The following CDH18 variants were observed in gnomAD, a reference collection of about 807,000 sequenced individuals.
CDH18 encodes the protein cadherin-18.
Under a neutral mutation model 67.9 loss-of-function variants are expected in CDH18, and 31 were observed. The ratio of observed to expected loss-of-function variants is 0.46; its 90% CI spans 0.34 to 0.62. The LOEUF (loss-of-function observed/expected upper bound fraction) is 0.62. Among genes scored for constraint, CDH18 ranks in the 20% least tolerant of loss-of-function variants. CDH18 has a pLI of 0.01. For synonymous variants in CDH18, 362 were observed against 347.2 expected (o/e 1.04, Z -0.48); for missense variants, 890 against 975.5 (o/e 0.91, Z 1.17).
chr5:20,566,001 TG>T (rs1758482502), intron 1 of CDH18, among the ~76,000 whole-genome samples: 1 of 152,158 alleles, frequency 6.6e-6, no homozygotes, highest in Non-Finnish European at 1.5e-5. Context: ...TGATTTTTGC[TG>T]ACATAAATTA....
At chr5:19,916,372 C>T (rs1579577326) in intron 2 of CDH18, among the ~76,000 whole-genome samples, 2 of 152,152 alleles carry the variant, frequency 1.3e-5, no homozygotes, top group East Asian at 3.9e-4. Context: ...ATTACGCCCT[C>T]TTCTCATCCC....
At chr5:20,487,231 A>G (rs1211249505) in intron 1 of CDH18, among the ~76,000 whole-genome samples, 1 of 152,040 alleles carries the variant, frequency 6.6e-6, no homozygotes. Flanking sequence ...CTGTTAATCC[A>G]TTCTTAACAT....
At chr5:20,379,244 A>C (rs1743711088) in intron 1 of CDH18, among the ~76,000 whole-genome samples, 1 of 152,206 alleles carries the variant, frequency 6.6e-6, no homozygotes, top group South Asian at 2.1e-4. Flanking sequence ...GCTTTCTTTG[A>C]CAATTGTCAT....
chr5:20,373,749 G>A (rs998168325), intron 1 of CDH18, among the ~76,000 whole-genome samples: 1 of 151,850 alleles, frequency 6.6e-6, no homozygotes, highest in Non-Finnish European at 1.5e-5. Context: ...TTAATCATAA[G>A]TGAATGAGTA....
At chr5:19,504,950 T>C (rs1743858991) in intron 10 of CDH18, among the ~76,000 whole-genome samples, 1 of 152,172 alleles carries the variant, frequency 6.6e-6, no homozygotes, top group South Asian at 2.1e-4. Flanking sequence ...ACATTTCAGT[T>C]AGTATACAAA....
chr5:20,152,740 G>A (rs544773969), intron 2 of CDH18, among the ~76,000 whole-genome samples: 42 of 152,112 alleles, frequency 2.8e-4, no homozygotes, highest in Non-Finnish European at 4.7e-4. Flanking sequence ...ACATCACCAC[G>A]ATGCTAGAGT....
chr5:20,253,207 A>C (rs542027385), intron 2 of CDH18, among the ~76,000 whole-genome samples: 1 of 152,320 alleles, frequency 6.6e-6, no homozygotes, highest in South Asian at 2.1e-4. Flanking sequence ...TGGCACATAA[A>C]GATCTTGTAC....
intron 2 of CDH18, among the ~76,000 whole-genome samples, chr5:20,104,640 T>C (rs1202807880): frequency 3.9e-5 from 6 of 152,088 alleles, no homozygotes; most frequent in African/African-American, 1.2e-4. Flanking sequence ...GTCCCTCTTC[T>C]CCACAGTGCA....
chr5:19,959,379 A>G (rs974094274), intron 2 of CDH18, among the ~76,000 whole-genome samples: 2 of 152,076 alleles, frequency 1.3e-5, no homozygotes, highest in Non-Finnish European at 2.9e-5. Context: ...ATTTTAAAAA[A>G]TGCAAATAAG....
intron 2 of CDH18, among the ~76,000 whole-genome samples, chr5:19,892,628 T>C (rs1579459947): frequency 6.6e-6 from 1 of 152,230 alleles, no homozygotes; most frequent in East Asian, 1.9e-4. Flanking sequence ...TCATGGAGTG[T>C]GACTTCCAAA....
At chr5:20,351,738 T>C (rs1378113508) in intron 1 of CDH18, among the ~76,000 whole-genome samples, 1 of 152,156 alleles carries the variant, frequency 6.6e-6, no homozygotes, top group Non-Finnish European at 1.5e-5. Flanking sequence ...AATCTATTTA[T>C]GCTGCCACCG....
At chr5:20,210,523 C>G (rs760545998) in intron 2 of CDH18, among the ~76,000 whole-genome samples, 4 of 151,896 alleles carry the variant, frequency 2.6e-5, no homozygotes, top group Admixed American at 6.6e-5. Flanking sequence ...CAATCTTAAT[C>G]TGAACAGTTT....
chr5:20,306,091 C>T (rs527266439), intron 1 of CDH18, among the ~76,000 whole-genome samples: 64 of 152,306 alleles, frequency 4.2e-4, no homozygotes, highest in African/African-American at 1.4e-3. Context: ...AAGACTTCTA[C>T]ACACAGCCTT....
intron 2 of CDH18, among the ~76,000 whole-genome samples, chr5:20,185,144 A>T (rs1263248318): frequency 6.6e-6 from 1 of 151,948 alleles, no homozygotes; most frequent in Non-Finnish European, 1.5e-5. Flanking sequence ...GTGATTTTGG[A>T]TTCTTCTCTT....
chr5:19,667,134 G>A (rs937790982), intron 5 of CDH18, among the ~76,000 whole-genome samples: 1 of 151,424 alleles, frequency 6.6e-6, no homozygotes, highest in Admixed American at 6.6e-5. Flanking sequence ...TTATAAATTA[G>A]CAATTAAAAT....
At chr5:20,540,642 G>T (rs1315915990) in intron 1 of CDH18, among the ~76,000 whole-genome samples, 1 of 152,096 alleles carries the variant, frequency 6.6e-6, no homozygotes, top group African/African-American at 2.4e-5. Flanking sequence ...CTGACATATT[G>T]GTAGCACATC....
intron 10 of CDH18, among the ~76,000 whole-genome samples, chr5:19,512,490 G>T (rs1049626177): frequency 5.3e-5 from 8 of 152,086 alleles, no homozygotes; most frequent in African/African-American, 1.9e-4. Context: ...GACAGTAGTT[G>T]AGTGCTAACA....
intron 1 of CDH18, among the ~76,000 whole-genome samples, chr5:20,348,617 T>C (rs1342790687): frequency 6.6e-6 from 1 of 152,076 alleles, no homozygotes; most frequent in Non-Finnish European, 1.5e-5. Flanking sequence ...GGAATTTGCA[T>C]CATACTGAGA....
intron 2 of CDH18, among the ~76,000 whole-genome samples, chr5:20,161,624 T>C (rs975823999): frequency 1.3e-5 from 2 of 152,188 alleles, no homozygotes; most frequent in African/African-American, 4.8e-5. Flanking sequence ...TCATATCCAG[T>C]TTCTTAAACT....
Sources: allele counts gnomAD v4.1 joint callset (sites outside exome capture counted in the v4.1 genomes callset), GRCh38; gene constraint gnomAD v4.1.1; transcripts MANE v1.5; gene names NCBI Gene and HGNC (gene_info 2026-07-23, HGNC 2026-07-21).